Variants in EEIG2 observed in about 807,000 individuals in gnomAD.
EEIG2 encodes family with sequence similarity 102 member B.
chr1:108,601,347 T>G, the EEIG2 span, among the ~76,000 whole-genome samples: 2 of 151,972 alleles, frequency 1.3e-5, no homozygotes, highest in Non-Finnish European at 2.9e-5. Flanking sequence ...GGTCAAAAAT[T>G]AAATAGAGAA....
At chr1:108,574,895 TA>T in the EEIG2 span, among the ~76,000 whole-genome samples, 5 of 152,106 alleles carry the variant, frequency 3.3e-5, no homozygotes, top group South Asian at 2.1e-4. Flanking sequence ...TAGACTCCAT[TA>T]AAAAAAAGTT....
chr1:108,624,817 GA>G, the EEIG2 span: 1 of 1,248,154 alleles, frequency 8.0e-7, no homozygotes. Flanking sequence ...AATTCTTTGG[GA>G]ATTGTGTGGG....
chr1:108,623,525 A>T, the EEIG2 span, among the ~76,000 whole-genome samples: 1 of 152,090 alleles, frequency 6.6e-6, no homozygotes, highest in African/African-American at 2.4e-5. Flanking sequence ...AAAAGAGTAT[A>T]ATTGGACTGT....
chr1:108,575,945 TATG>T, the EEIG2 span, among the ~76,000 whole-genome samples: 1 of 114,018 alleles, frequency 8.8e-6, no homozygotes, highest in Admixed American at 9.0e-5. Context: ...TAAAATGAGA[TATG>T]ATATGTGAAT....
chr1:108,599,307 C>T, the EEIG2 span, among the ~76,000 whole-genome samples: 1 of 152,176 alleles, frequency 6.6e-6, no homozygotes, highest in Non-Finnish European at 1.5e-5. Flanking sequence ...AAATTTTCAA[C>T]TCACCTACCA....
chr1:108,634,370 T>C, the EEIG2 span, among the ~76,000 whole-genome samples: 27 of 152,324 alleles, frequency 1.8e-4, no homozygotes, highest in African/African-American at 6.5e-4. Context: ...ACTACCTTAC[T>C]TCTGTTGTTT....
chr1:108,630,542 T>C, the EEIG2 span, among the ~76,000 whole-genome samples: 11 of 152,312 alleles, frequency 7.2e-5, no homozygotes, highest in East Asian at 2.1e-3. Flanking sequence ...AACCTGCACG[T>C]TGTGCACATG....
the EEIG2 span, among the ~76,000 whole-genome samples, chr1:108,605,883 T>G: frequency 6.6e-6 from 1 of 152,202 alleles, no homozygotes; most frequent in Non-Finnish European, 1.5e-5. Context: ...ATTATATTAG[T>G]ATGCTTAACT....
At chr1:108,578,511 G>A in the EEIG2 span, among the ~76,000 whole-genome samples, 2 of 131,628 alleles carry the variant, frequency 1.5e-5, no homozygotes, top group Non-Finnish European at 3.2e-5. Context: ...TAGCATGAAG[G>A]GTTGTTGAAT....
chr1:108,627,173 C>T, the EEIG2 span: 4 of 152,228 alleles, frequency 2.6e-5, no homozygotes, highest in Non-Finnish European at 5.9e-5. Flanking sequence ...AAGTAAAGAG[C>T]GCTGCATAAC....
chr1:108,593,095 T>G, the EEIG2 span, among the ~76,000 whole-genome samples: 1 of 152,052 alleles, frequency 6.6e-6, no homozygotes, highest in East Asian at 1.9e-4. Flanking sequence ...GAGGTGGAGT[T>G]TGCAGTGAGC....
the EEIG2 span, among the ~76,000 whole-genome samples, chr1:108,601,575 T>C: frequency 1.3e-5 from 2 of 151,946 alleles, no homozygotes; most frequent in African/African-American, 4.8e-5. Context: ...TTACAAAATA[T>C]AACATAAAGT....
At chr1:108,628,344 T>C in the EEIG2 span, 1 of 1,611,544 alleles carries the variant, frequency 6.2e-7, no homozygotes, top group Non-Finnish European at 8.5e-7. Flanking sequence ...CGATGTCAGA[T>C]TGCAGAGTGT....
the EEIG2 span, among the ~76,000 whole-genome samples, chr1:108,567,326 C>T: frequency 8.0e-4 from 122 of 152,208 alleles, no homozygotes; most frequent in Non-Finnish European, 1.3e-3. Flanking sequence ...AAGATATTCC[C>T]GTGAGGAAGG....
chr1:108,613,235 T>C, the EEIG2 span, among the ~76,000 whole-genome samples: 3 of 152,302 alleles, frequency 2.0e-5, no homozygotes, highest in African/African-American at 7.2e-5. Flanking sequence ...AGTTTTGTGG[T>C]TTTATAACTC....
chr1:108,637,837 G>A, the EEIG2 span: 7 of 152,572 alleles, frequency 4.6e-5, no homozygotes, highest in African/African-American at 1.2e-4. Flanking sequence ...GCTGAGACCC[G>A]ACAGATCATG....
At chr1:108,586,562 C>G in the EEIG2 span, among the ~76,000 whole-genome samples, 1 of 151,940 alleles carries the variant, frequency 6.6e-6, no homozygotes, top group Non-Finnish European at 1.5e-5. Flanking sequence ...CCTCTTTTTA[C>G]CATGTGGGTG....
At chr1:108,562,777 A>G in the EEIG2 span, among the ~76,000 whole-genome samples, 2 of 152,144 alleles carry the variant, frequency 1.3e-5, no homozygotes, top group African/African-American at 2.4e-5. Flanking sequence ...TTTGCTTGAG[A>G]TGTTATATTT....
the EEIG2 span, chr1:108,628,947 ATAACT>A: frequency 1.5e-6 from 1 of 665,184 alleles, no homozygotes; most frequent in East Asian, 2.9e-5. Context: ...AAATATCAAG[ATAACT>A]TTATAGCTCA....
Sources: allele counts gnomAD v4.1 joint callset (sites outside exome capture counted in the v4.1 genomes callset), GRCh38; gene constraint gnomAD v4.1.1; transcripts MANE v1.5; gene names NCBI Gene and HGNC (gene_info 2026-07-23, HGNC 2026-07-21).